The following LRBA variants were observed in gnomAD, a reference collection of about 807,000 sequenced individuals.
LRBA encodes the protein LPS responsive beige-like anchor protein, also known as lipopolysaccharide-responsive and beige-like anchor protein.
LRBA carries 176 observed loss-of-function variants against 330.0 expected under a neutral mutation model. That is an observed-to-expected ratio of 0.53 (90% CI 0.47 to 0.60). LRBA has a LOEUF of 0.60. Ranked by LOEUF, LRBA falls within the 20% of genes least tolerant of loss-of-function variation. The pLI, the probability that LRBA is intolerant of heterozygous loss-of-function variation, is 0.00. For missense variants in LRBA, 3,259 were observed against 3,444.8 expected (o/e 0.95, Z 1.35); for synonymous variants, 1,230 against 1,193.0 (o/e 1.03, Z -0.64).
In LRBA at chr4:150,850,737, G is replaced by GTA. The variant is rs1323477178; in HGVS notation, c.3989_3990dup (p.Gln1331TyrfsTer16). 1 of 1,609,940 alleles carries GTA rather than the reference G, an allele frequency of 6.2e-7. No homozygotes were observed. Among genetic ancestry groups the GTA allele is most frequent in the African/African-American group, 1.3e-5 (1 of 74,828 alleles). The stretch of plus-strand genomic sequence containing the variant: ...ATATAGACAAACCTTCTCCACATCT[G>GTA]TATATCTGTTTCTATTGAAAATAAT... On this transcript the variant is annotated frameshift_variant, in exon 24 of 57. Transcript: ENST00000651943. LOFTEE classifies it high-confidence loss of function.
Position 150,395,479 on chromosome 4 carries a change from C to T in LRBA, c.7194+19959G>A, listed in dbSNP as rs138464991. ...AGGTCATCATCTCCTGCTTAATTTC[C>T]TTTAACTGTTATGGCCTCCTAATTG... is the stretch of plus-strand genomic sequence containing the variant. On this transcript the variant is annotated intron_variant, in intron 47 of 56. Coordinates refer to ENST00000651943, the MANE Select transcript of LRBA (RefSeq NM_001364905.1). Among the ~76,000 whole-genome samples the T allele has an allele frequency of 3.8e-3, 577 of 152,218 alleles. 1 individual carries two copies. The highest frequency in any genetic ancestry group is 5.9e-3 in the Non-Finnish European group (398 of 68,012).
chr4:150,390,281 T>C (rs544565540), intron 47 of LRBA, among the ~76,000 whole-genome samples: 2 of 152,316 alleles, frequency 1.3e-5, no homozygotes, highest in South Asian at 2.1e-4. Context: ...GCCATCCATT[T>C]TCTTGATAAA....
intron 47 of LRBA, among the ~76,000 whole-genome samples, chr4:150,398,142 T>C (rs1462185374): frequency 2.0e-5 from 3 of 152,154 alleles, no homozygotes; most frequent in African/African-American, 4.8e-5. Flanking sequence ...GTTGGTGGAA[T>C]AGAAATATGT....
intron 37 of LRBA, among the ~76,000 whole-genome samples, chr4:150,602,691 T>C (rs1581789201): frequency 6.6e-6 from 1 of 152,296 alleles, no homozygotes; most frequent in African/African-American, 2.4e-5. Context: ...TACTGTTCCC[T>C]ACCCCGTCCC....
chr4:150,772,569 TG>T (rs1301122147), intron 34 of LRBA, among the ~76,000 whole-genome samples: 2 of 152,202 alleles, frequency 1.3e-5, no homozygotes, highest in Non-Finnish European at 2.9e-5. Context: ...GGTGGCCCAG[TG>T]TTAACTGTTC....
chr4:150,489,602 T>C (rs1184568386), intron 41 of LRBA, among the ~76,000 whole-genome samples: 4 of 63,208 alleles, frequency 6.3e-5, no homozygotes, highest in Non-Finnish European at 1.0e-4. Flanking sequence ...TATAAGAATA[T>C]ATAATATATA....
At chr4:150,771,819 T>G (rs1736605466) in intron 34 of LRBA, among the ~76,000 whole-genome samples, 2 of 152,198 alleles carry the variant, frequency 1.3e-5, no homozygotes, top group South Asian at 4.1e-4. Context: ...ACCTTGTTCA[T>G]GAGCTCACTG....
chr4:150,475,205 T>C (rs1756576884), intron 42 of LRBA, among the ~76,000 whole-genome samples: 1 of 152,176 alleles, frequency 6.6e-6, no homozygotes, highest in African/African-American at 2.4e-5. Context: ...TGTGTCTGTG[T>C]TCAGGACGGA....
At chr4:150,912,348 C>T (rs994138381) in intron 9 of LRBA, among the ~76,000 whole-genome samples, 1 of 152,122 alleles carries the variant, frequency 6.6e-6, no homozygotes, top group Non-Finnish European at 1.5e-5. Flanking sequence ...GAAGGGTGAA[C>T]CCTATTGTGA....
At chr4:150,398,267 C>A (rs780576487) in intron 47 of LRBA, among the ~76,000 whole-genome samples, 3 of 151,948 alleles carry the variant, frequency 2.0e-5, no homozygotes, top group African/African-American at 7.3e-5. Context: ...TAAGACTAAC[C>A]GAAGGGAAAT....
At chr4:150,906,477 A>G (rs534163325) in intron 11 of LRBA, 72 bp from the exon 12 acceptor site, 1 of 804,230 alleles carries the variant, frequency 1.2e-6, no homozygotes, top group African/African-American at 1.7e-5. Flanking sequence ...AGATAGATGT[A>G]ACCCTTCCAT....
chr4:150,533,861 G>T (rs1764321658), intron 40 of LRBA, among the ~76,000 whole-genome samples: 1 of 152,132 alleles, frequency 6.6e-6, no homozygotes, highest in Admixed American at 6.6e-5. Flanking sequence ...AGATCACAGT[G>T]GCTGATAAGT....
At chr4:150,536,956 T>C (rs1463980637) in intron 40 of LRBA, among the ~76,000 whole-genome samples, 1 of 152,200 alleles carries the variant, frequency 6.6e-6, no homozygotes, top group African/African-American at 2.4e-5. Context: ...ACCAATGTCA[T>C]TTTTCACAGA....
chr4:150,777,326 A>G (rs970236718), intron 34 of LRBA, among the ~76,000 whole-genome samples: 1 of 151,930 alleles, frequency 6.6e-6, no homozygotes, highest in African/African-American at 2.4e-5. Context: ...TAGTAATACT[A>G]CCCTTTTTTA....
intron 2 of LRBA, among the ~76,000 whole-genome samples, chr4:151,001,189 C>T (rs1219776763): frequency 1.3e-5 from 2 of 152,192 alleles, no homozygotes; most frequent in Non-Finnish European, 2.9e-5. Context: ...AGCTGGTGCA[C>T]AGACAGAAGT....
At chr4:150,842,129 G>T (rs1436011213) in intron 28 of LRBA, among the ~76,000 whole-genome samples, 1 of 152,152 alleles carries the variant, frequency 6.6e-6, no homozygotes, top group African/African-American at 2.4e-5. Flanking sequence ...TAGTAAAGGA[G>T]ATATTCTAAT....
At chr4:150,805,442 G>A (rs1211307502) in intron 33 of LRBA, among the ~76,000 whole-genome samples, 1 of 77,116 alleles carries the variant, frequency 1.3e-5, no homozygotes, top group Non-Finnish European at 2.4e-5. Flanking sequence ...GGAAAGGAAG[G>A]AAAGGGAAAG....
At chr4:150,816,958 CTTTTAATTTT>C (rs898538274) in intron 31 of LRBA, among the ~76,000 whole-genome samples, 156 bp downstream of exon 31, 1 of 152,022 alleles carries the variant, frequency 6.6e-6, no homozygotes, top group Admixed American at 6.6e-5. Flanking sequence ...GACTTAATTT[CTTTTAATTTT>C]ACTCAAATTT....
At chr4:150,724,883 C>CAT (rs953863191) in intron 36 of LRBA, among the ~76,000 whole-genome samples, 2 of 146,044 alleles carry the variant, frequency 1.4e-5, no homozygotes, top group Non-Finnish European at 3.0e-5. Flanking sequence ...TATATATATA[C>CAT]ATATATATAT....
Sources: allele counts gnomAD v4.1 joint callset (sites outside exome capture counted in the v4.1 genomes callset), GRCh38; gene constraint gnomAD v4.1.1; transcripts MANE v1.5; gene names NCBI Gene and HGNC (gene_info 2026-07-23, HGNC 2026-07-21).